The following LARS2 variants were observed in gnomAD, a reference collection of about 807,000 sequenced individuals.
LARS2 encodes leucine--tRNA ligase, mitochondrial.
Under a neutral mutation model 116.6 loss-of-function variants are expected in LARS2, and 81 were observed. The observed-to-expected ratio is 0.69, with a 90% CI of 0.58 to 0.84. LARS2 has a LOEUF of 0.84. Among genes scored for constraint, LARS2 ranks in the 40% least tolerant of loss-of-function variants. The pLI, the probability that LARS2 is intolerant of heterozygous loss-of-function variation, is 0.00. For synonymous variants in LARS2, 396 were observed against 407.2 expected, an observed-to-expected ratio of 0.97 and a Z score of 0.33; for missense variants, 968 against 1,114.5, an observed-to-expected ratio of 0.87 and a Z score of 1.87.
chr3:45,518,035 G>A lies in LARS2; in HGVS notation c.2177G>A (p.Arg726Lys). 1 of 1,613,762 alleles carries A rather than the reference G, an allele frequency of 6.2e-7. No homozygotes were observed. Among genetic ancestry groups the A allele is most frequent in the Non-Finnish European group, 8.5e-7 (1 of 1,179,792 alleles). ...AGTAACAAGGAGAAAGCTGAGGCCA[G>A]GAAGCTCTGGGAGTACAAGAACTCC... ...LLSNKEKAEA[R>K]KLWEYKNSVI... Residue 726 changes from arginine (R) to lysine (K), a missense_variant, in exon 18 of 22, where the codon AGG becomes AAG. Transcript: ENST00000645846.
chr3:45,452,575 T>C (rs943180254), intron 7 of LARS2, among the ~76,000 whole-genome samples: 4 of 152,188 alleles, frequency 2.6e-5, no homozygotes, highest in Admixed American at 6.5e-5. Context: ...AATGTGTTGT[T>C]GAATTCTGTT....
intron 13 of LARS2, among the ~76,000 whole-genome samples, chr3:45,493,923 A>C (rs1410845390): frequency 6.6e-6 from 1 of 152,102 alleles, no homozygotes; most frequent in African/African-American, 2.4e-5. Flanking sequence ...CTTGGACCTC[A>C]CTTGCACAAG....
intron 1 of LARS2, among the ~76,000 whole-genome samples, chr3:45,389,624 A>G (rs1449657512): frequency 6.6e-6 from 1 of 152,160 alleles, no homozygotes; most frequent in Non-Finnish European, 1.5e-5. Context: ...GAGTAGTGGG[A>G]ATTGATTCTT....
At chr3:45,488,208 C>T (rs917023737) in intron 11 of LARS2, among the ~76,000 whole-genome samples, 2 of 151,944 alleles carry the variant, frequency 1.3e-5, no homozygotes, top group African/African-American at 2.4e-5. Context: ...GTGAGGTGGG[C>T]GATCACTTGA....
At chr3:45,476,721 C>T in intron 10 of LARS2, 94 bp downstream of exon 10, 1 of 1,298,412 alleles carries the variant, frequency 7.7e-7, no homozygotes, top group Non-Finnish European at 1.1e-6. Context: ...TCTATGTCAT[C>T]TTGCGTGGGT....
At chr3:45,519,015 T>G (rs1346565668) in intron 18 of LARS2, among the ~76,000 whole-genome samples, 2 of 152,212 alleles carry the variant, frequency 1.3e-5, no homozygotes, top group Non-Finnish European at 2.9e-5. Context: ...CTCCCTGGAT[T>G]TGGCAAATTC....
intron 20 of LARS2, among the ~76,000 whole-genome samples, chr3:45,532,194 G>A (rs968693423): frequency 3.3e-5 from 5 of 152,178 alleles, no homozygotes; most frequent in African/African-American, 4.8e-5. Flanking sequence ...TGCAACAAAC[G>A]CTTCCCTGGT....
intron 6 of LARS2, among the ~76,000 whole-genome samples, chr3:45,443,145 G>A (rs1358531626): frequency 6.6e-6 from 1 of 152,174 alleles, no homozygotes. Context: ...TTAGAGAAGG[G>A]AAGAAAGGAC....
intron 4 of LARS2, among the ~76,000 whole-genome samples, chr3:45,415,133 G>A (rs905967814): frequency 6.6e-6 from 1 of 152,162 alleles, no homozygotes. Context: ...TGCCTTACTG[G>A]CCTGGGCTTG....
At chr3:45,462,606 T>C (rs1307583328) in intron 8 of LARS2, among the ~76,000 whole-genome samples, 1 of 152,214 alleles carries the variant, frequency 6.6e-6, no homozygotes, top group Admixed American at 6.5e-5. Flanking sequence ...GCTTGGGCTT[T>C]TTAGCTTCTG....
At position 45,482,229 on chromosome 3, in the gene LARS2, A is replaced by G. The variant is rs564062792; in HGVS notation, c.1019-3463A>G. ...CCATACATAATGTCCTATCAACTCA[A>G]TGTACCTTAATATCCTAAGTCTTTC... On this transcript the variant is annotated intron_variant, in intron 10 of 21. Transcript: ENST00000645846. Among the ~76,000 whole-genome samples the G allele has an allele frequency of 4.6e-5, 7 of 152,218 alleles. No homozygotes were observed. In the South Asian group the frequency reaches 1.5e-3, roughly 32 times the overall value.
intron 18 of LARS2, chr3:45,519,815 T>G (rs1447945614): frequency 6.0e-6 from 1 of 167,946 alleles, no homozygotes; most frequent in Non-Finnish European, 1.3e-5. Context: ...ACCCGGCTAA[T>G]TTTTTGTATT....
chr3:45,460,623 A>G (rs1352387077), intron 8 of LARS2, among the ~76,000 whole-genome samples: 2 of 152,226 alleles, frequency 1.3e-5, no homozygotes, highest in East Asian at 3.9e-4. Context: ...TTTTGAAGTC[A>G]GCACTTGGTT....
chr3:45,516,040 T>C (rs1006683334), intron 16 of LARS2, 54 bp from the exon 17 acceptor site: 93 of 1,428,720 alleles, frequency 6.5e-5, no homozygotes, highest in Non-Finnish European at 8.7e-5. Context: ...GCTATTTCTA[T>C]AGAAGCAATT....
chr3:45,434,376 C>T (rs2125696750), intron 6 of LARS2, among the ~76,000 whole-genome samples: 1 of 152,280 alleles, frequency 6.6e-6, no homozygotes, highest in East Asian at 1.9e-4. Flanking sequence ...CTGGTGAGCC[C>T]ATCTACTGAG....
intron 20 of LARS2, among the ~76,000 whole-genome samples, chr3:45,536,516 C>A (rs535071431): frequency 2.2e-4 from 33 of 152,198 alleles, no homozygotes; most frequent in Admixed American, 3.9e-4. Context: ...TGGCAGAGTA[C>A]GTGGAATGTG....
intron 6 of LARS2, among the ~76,000 whole-genome samples, chr3:45,431,758 C>A (rs771198387): frequency 6.8e-6 from 1 of 146,612 alleles, no homozygotes; most frequent in African/African-American, 2.5e-5. Context: ...AAATGAGGAA[C>A]AAAAAAGCTA....
At chr3:45,536,430 C>T (rs1022951811) in intron 20 of LARS2, among the ~76,000 whole-genome samples, 4 of 152,226 alleles carry the variant, frequency 2.6e-5, no homozygotes, top group African/African-American at 4.8e-5. Context: ...TTAACACCTA[C>T]ACATACACAC....
intron 7 of LARS2, among the ~76,000 whole-genome samples, chr3:45,458,195 T>C (rs1300095523): frequency 6.6e-6 from 1 of 152,210 alleles, no homozygotes; most frequent in Non-Finnish European, 1.5e-5. Context: ...TCCTTTCATA[T>C]AAGATACCAA....
Sources: allele counts gnomAD v4.1 joint callset (sites outside exome capture counted in the v4.1 genomes callset), GRCh38; gene constraint gnomAD v4.1.1; transcripts MANE v1.5; gene names NCBI Gene and HGNC (gene_info 2026-07-23, HGNC 2026-07-21).